BRD1: variants seen among roughly 807,000 people sequenced by gnomAD.
The protein encoded by BRD1 is bromodomain-containing protein 1.
In BRD1, 24 loss-of-function variants were observed where a neutral mutation model predicts 107.7. That is an observed-to-expected ratio of 0.22 (90% CI 0.16 to 0.31). The LOEUF (loss-of-function observed/expected upper bound fraction) is 0.31. BRD1 is among the 10% of genes least tolerant of loss of function. The probability of loss-of-function intolerance (pLI) is 1.00; values close to 1 mark genes in which losing one functional copy is unlikely to be tolerated. For synonymous variants in BRD1, 744 were observed against 686.1 expected (o/e 1.08, Z -1.32); for missense variants, 1,279 against 1,638.6 (o/e 0.78, Z 3.79).
At chr22:49,789,048 G>C (rs2059382881) in intron 7 of BRD1, among the ~76,000 whole-genome samples, 1 of 152,234 alleles carries the variant, frequency 6.6e-6, no homozygotes, top group Admixed American at 6.5e-5. Context: ...CCGGGCAGCA[G>C]TGCTTTCGGC....
At position 49,774,212 on chromosome 22, in the gene BRD1, C is replaced by T. The variant is rs374865183; in HGVS notation, c.*21G>A. Reference sequence around the variant, plus strand: ...CAGCTTATCAACACTATGGACAAGACCCGCGCTGGCGGCCGGGCCGTCAGT... The same window carrying T: ...CAGCTTATCAACACTATGGACAAGATCCGCGCTGGCGGCCGGGCCGTCAGT... On this transcript the variant is annotated 3_prime_UTR_variant, in exon 13 of 13. Transcript: ENST00000404760. 1.8e-4 allele frequency: 285 copies of T among 1,608,454 alleles called. No homozygotes were observed. The highest frequency in any genetic ancestry group is 1.8e-4 in the Non-Finnish European group (217 of 1,176,714).
intron 2 of BRD1, among the ~76,000 whole-genome samples, chr22:49,811,205 G>A (rs144648443): frequency 2.0e-5 from 3 of 152,258 alleles, no homozygotes; most frequent in Admixed American, 6.5e-5. Flanking sequence ...GCAAATACAC[G>A]GAGACAGGAT....
At chr22:49,782,789 G>C (rs1443377475) in intron 8 of BRD1, among the ~76,000 whole-genome samples, 2 of 122,674 alleles carry the variant, frequency 1.6e-5, no homozygotes, top group African/African-American at 3.2e-5. Flanking sequence ...ATCTTGCTGG[G>C]ACCTGCTCCA....
At chr22:49,796,102 T>C (rs1346585364) in intron 6 of BRD1, among the ~76,000 whole-genome samples, 1 of 152,072 alleles carries the variant, frequency 6.6e-6, no homozygotes, top group Non-Finnish European at 1.5e-5. Context: ...TTTTCTTTTT[T>C]TTTTTTTTGA....
chr22:49,825,471 C>G (rs9628144), intron 1 of BRD1, among the ~76,000 whole-genome samples: 2 of 152,164 alleles, frequency 1.3e-5, no homozygotes, highest in African/African-American at 4.8e-5. Flanking sequence ...CCCAACACCA[C>G]GGACTGCGTC....
At chr22:49,812,039 A>T (rs2059859291) in intron 2 of BRD1, among the ~76,000 whole-genome samples, 1 of 152,200 alleles carries the variant, frequency 6.6e-6, no homozygotes, top group Non-Finnish European at 1.5e-5. Context: ...AAGATTAAAC[A>T]GTATTTGAGA....
intron 7 of BRD1, among the ~76,000 whole-genome samples, chr22:49,789,794 G>A (rs993942999): frequency 6.6e-6 from 1 of 152,236 alleles, no homozygotes; most frequent in South Asian, 2.1e-4. Context: ...GGAGCCCTGA[G>A]ACGTGCAGAC....
chr22:49,787,360 G>T (rs759627617), intron 8 of BRD1, 30 bp downstream of exon 8: 5 of 1,581,628 alleles, frequency 3.2e-6, no homozygotes, highest in Non-Finnish European at 4.3e-6. Flanking sequence ...GTCGGCAAGG[G>T]CGCCTCTCAG....
In BRD1 at chr22:49,823,859, C is replaced by T; in HGVS notation, c.459G>A (p.Glu153=). 1 of 1,614,224 alleles carries T rather than the reference C, an allele frequency of 6.2e-7. No individual in the cohort carries two copies. Among genetic ancestry groups the T allele is most frequent in the Non-Finnish European group, 8.5e-7 (1 of 1,180,044 alleles). The change falls in exon 2 of 13, where the codon GAG becomes GAA. Residue 153 remains glutamate, a synonymous_variant. Coordinates refer to ENST00000404760, the MANE Select transcript of BRD1 (RefSeq NM_001304808.3). ...IEKSAEELDN[E]VEYDMDEEDY... ...CCTCCTCGTCCATGTCATACTCCACCTCGTTGTCCAGTTCCTCGGCCGACT... is the reference window on the plus strand; with the variant it reads ...CCTCCTCGTCCATGTCATACTCCACTTCGTTGTCCAGTTCCTCGGCCGACT...
chr22:49,787,608 CG>C lies in BRD1; in HGVS notation c.2638del (p.Arg880AlafsTer12). ...CGATTTGCAGAAGAGAACAGAAGTG[CG>C]TCTGTTTACATCGCTTGCTGGCTCC... The part of the protein sequence containing the change: ...VAEPASDVNR[R>X]TSVLFCKSKS... On this transcript the variant is annotated frameshift_variant, in exon 8 of 13. Coordinates refer to ENST00000404760, the MANE Select transcript of BRD1 (RefSeq NM_001304808.3). LOFTEE classifies it high-confidence loss of function. 6.4e-7 allele frequency: 1 copy of C among 1,553,110 alleles called. No homozygotes were observed. The highest frequency in any genetic ancestry group is 8.7e-7 in the Non-Finnish European group (1 of 1,148,056).
intron 8 of BRD1, among the ~76,000 whole-genome samples, chr22:49,784,549 T>C (rs929909432): frequency 5.9e-5 from 9 of 152,240 alleles, no homozygotes; most frequent in Admixed American, 1.3e-4. Context: ...AGGCCCACAG[T>C]GAGTGCGTCG....
intron 2 of BRD1, among the ~76,000 whole-genome samples, chr22:49,804,981 T>G (rs914626673): frequency 2.6e-5 from 4 of 152,146 alleles, no homozygotes; most frequent in African/African-American, 9.7e-5. Flanking sequence ...TGTGACCCCA[T>G]CTGCACACAA....
In BRD1 at chr22:49,794,065, T is replaced by C; in HGVS notation, c.2328A>G (p.Gly776=). 2 of 1,613,990 alleles carry C rather than the reference T, an allele frequency of 1.2e-6. No homozygotes were observed. The highest frequency in any genetic ancestry group is 1.7e-6 in the Non-Finnish European group (2 of 1,180,022). Reference sequence around the variant, plus strand: ...CGCCCGCCTCCGGCCCCAGCGCAGCTCCGTCCTCTTCGAAGCCTTCCAAGC... The same window carrying C: ...CGCCCGCCTCCGGCCCCAGCGCAGCCCCGTCCTCTTCGAAGCCTTCCAAGC... ...GPGLEGFEED[G]AALGPEAGEE... is the part of the protein sequence containing the mutation. Residue 776 remains glycine (G), a synonymous_variant, in exon 7 of 13, where the codon GGA becomes GGG. Coordinates refer to ENST00000404760, the MANE Select transcript of BRD1 (RefSeq NM_001304808.3).
Position 49,787,684 on chromosome 22 carries a change from T to C in BRD1, c.2563A>G (p.Thr855Ala). 2 of 1,550,646 alleles carry C rather than the reference T, an allele frequency of 1.3e-6. No homozygotes were observed. The highest frequency in any genetic ancestry group is 1.7e-6 in the Non-Finnish European group (2 of 1,146,990). ...GGCACATCGCCACTACTGGCGCGGG[T>C]GGGCTCTGGAGGGCGTCCGCTTACC... is the stretch of plus-strand genomic sequence containing the variant. Reference protein sequence around the residue: ...ALVSGRPPEPTRASSGDVPAA... With the variant: ...ALVSGRPPEPARASSGDVPAA... Residue 855 changes from threonine (T) to alanine (A), a missense_variant, in exon 8 of 13, where the codon ACC (threonine) becomes GCC (alanine). Thr to Ala is a moderately conservative substitution (Grantham distance 58). This residue lies in a region of BRD1 where 406 missense variants were observed against 519.4 expected (regional missense o/e 0.78). Coordinates refer to ENST00000404760, the MANE Select transcript of BRD1 (RefSeq NM_001304808.3).
chr22:49,808,134 A>G (rs941840565), intron 2 of BRD1, among the ~76,000 whole-genome samples: 9 of 152,224 alleles, frequency 5.9e-5, no homozygotes, highest in Admixed American at 4.6e-4. Flanking sequence ...TGGCTCCTCA[A>G]ACACTTAAAG....
At chr22:49,820,134 A>C (rs1365021842) in intron 2 of BRD1, among the ~76,000 whole-genome samples, 1 of 151,928 alleles carries the variant, frequency 6.6e-6, no homozygotes, top group Non-Finnish European at 1.5e-5. Context: ...CACCTCAAAA[A>C]AAAGGGGGGA....
Position 49,803,182 on chromosome 22 carries a change from G to C in BRD1, c.1524+1022C>G, listed in dbSNP as rs549965421. 6.6e-6 allele frequency among the ~76,000 whole-genome samples: 1 copy of C among 152,240 alleles called. No individual in the cohort carries two copies. The highest frequency in any genetic ancestry group is 2.4e-5 in the African/African-American group (1 of 41,454). On this transcript the variant is annotated intron_variant, in intron 3 of 12. Coordinates refer to ENST00000404760, the MANE Select transcript of BRD1 (RefSeq NM_001304808.3). This position sits in a 1 kb window ranked among gnomAD's most constrained non-coding sequence, Gnocchi z 4.4. ...CACAAGGCAGCCACGGCAGGTGACT[G>C]AACAGGGCTCACGCTGCAGAGGCAG...
At chr22:49,790,970 G>A (rs572419376) in intron 7 of BRD1, among the ~76,000 whole-genome samples, 16 of 152,354 alleles carry the variant, frequency 1.1e-4, no homozygotes, top group African/African-American at 3.8e-4. Context: ...AAATCCCAAG[G>A]ACTCGAAATG....
intron 7 of BRD1, 99 bp downstream of exon 7, chr22:49,793,935 A>G (rs1323576183): frequency 2.0e-6 from 3 of 1,484,922 alleles, no homozygotes; most frequent in South Asian, 1.3e-5. Flanking sequence ...GCCTCCGTGC[A>G]CACCAACGCT....
Sources: allele counts gnomAD v4.1 joint callset (sites outside exome capture counted in the v4.1 genomes callset), GRCh38; gene constraint gnomAD v4.1.1; regional missense constraint gnomAD v4.1.1; non-coding constraint Gnocchi (gnomAD v3.1); transcripts MANE v1.5; gene names NCBI Gene and HGNC (gene_info 2026-07-23, HGNC 2026-07-21).